ANO6: variants seen among roughly 807,000 people sequenced by gnomAD.
ANO6 encodes the protein anoctamin 6.
A neutral mutation model predicts 117.5 loss-of-function variants in ANO6; 106 were observed. The ratio of observed to expected loss-of-function variants is 0.90; its 90% CI spans 0.77 to 1.06. The LOEUF is 1.06. ANO6 is among the 50% of genes least tolerant of loss of function. ANO6 has a pLI of 0.00. For missense variants in ANO6, 955 were observed against 1,121.1 expected, an observed-to-expected ratio of 0.85 and a Z score of 2.12; for synonymous variants, 367 against 385.1, an observed-to-expected ratio of 0.95 and a Z score of 0.55.
chr12:45,375,602 G>A (rs937635035), intron 9 of ANO6, among the ~76,000 whole-genome samples: 11 of 152,092 alleles, frequency 7.2e-5, no homozygotes, highest in South Asian at 2.1e-4. Context: ...CAAGCAATGG[G>A]GAAAGGATTC....
chr12:45,255,552 A>G (rs1294760222), intron 1 of ANO6, among the ~76,000 whole-genome samples: 4 of 152,154 alleles, frequency 2.6e-5, no homozygotes, highest in Non-Finnish European at 4.4e-5. Context: ...TACTCCTTGG[A>G]TATTATTCCT....
intron 1 of ANO6, among the ~76,000 whole-genome samples, chr12:45,244,559 G>A (rs971986129): frequency 4.6e-5 from 7 of 152,122 alleles, no homozygotes; most frequent in Admixed American, 3.3e-4. Flanking sequence ...AGGGGTCCTT[G>A]ATCCAAAAGG....
chr12:45,379,242 T>C (rs945420488), intron 10 of ANO6, among the ~76,000 whole-genome samples: 2 of 152,234 alleles, frequency 1.3e-5, no homozygotes, highest in African/African-American at 4.8e-5. Flanking sequence ...CTCAGCAGTA[T>C]TTCTGTTTGG....
At chr12:45,400,163 A>G (rs1942744806) in intron 12 of ANO6, among the ~76,000 whole-genome samples, 1 of 152,210 alleles carries the variant, frequency 6.6e-6, no homozygotes, top group Admixed American at 6.5e-5. Flanking sequence ...AGTAAAAGAG[A>G]GATAATATTA....
At chr12:45,315,965 C>G (rs527361260) in intron 2 of ANO6, among the ~76,000 whole-genome samples, 17 of 152,040 alleles carry the variant, frequency 1.1e-4, no homozygotes, top group Non-Finnish European at 1.6e-4. Context: ...CACCTTTCTT[C>G]CCTGGACTCA....
At chr12:45,373,334 T>C (rs1374454289) in intron 9 of ANO6, among the ~76,000 whole-genome samples, 1 of 151,240 alleles carries the variant, frequency 6.6e-6, no homozygotes, top group African/African-American at 2.4e-5. Context: ...TACCCAGGAA[T>C]TGAACTCAGC....
intron 1 of ANO6, among the ~76,000 whole-genome samples, chr12:45,241,361 A>G (rs1947740940): frequency 1.3e-5 from 2 of 152,212 alleles, no homozygotes; most frequent in Non-Finnish European, 2.9e-5. Context: ...AAGCTTCTGC[A>G]TGCGTCACAA....
chr12:45,216,362 A>C lies in ANO6; in HGVS notation c.41A>C (p.Glu14Ala), dbSNP rs548440264. 1 of 1,613,044 alleles carries C rather than the reference A, an allele frequency of 6.2e-7. No individual in the cohort carries two copies. The highest frequency in any genetic ancestry group is 1.7e-5 in the Admixed American group (1 of 59,960). ...AGGAATGTTTTGCTACAAATGGAGG[A>C]GGAGGAGGACGACGACGATGGGGAT... ...MSRNVLLQME[E>A]EEDDDDGDIV... The change falls in exon 1 of 20, where the codon GAG (glutamate) becomes GCG (alanine). Residue 14 changes from glutamate to alanine, a missense_variant. By Grantham distance (107) the Glu-to-Ala change is moderately radical. Transcript: ENST00000320560.
Position 45,216,365 on chromosome 12 carries a change from A to T in ANO6, c.44A>T (p.Glu15Val). ...SRNVLLQMEE[E>V]EDDDDGDIVL... ...AATGTTTTGCTACAAATGGAGGAGG[A>T]GGAGGACGACGACGATGGGGATATC... is the stretch of plus-strand genomic sequence containing the variant. The change falls in exon 1 of 20, where the codon GAG becomes GTG. Residue 15 changes from glutamate (E) to valine (V), a missense_variant. Coordinates refer to ENST00000320560, the MANE Select transcript of ANO6 (RefSeq NM_001025356.3). The T allele has an allele frequency of 6.2e-7, 1 of 1,613,066 alleles. No homozygotes were observed. Among genetic ancestry groups the T allele is most frequent in the Non-Finnish European group, 8.5e-7 (1 of 1,179,484 alleles).
intron 1 of ANO6, among the ~76,000 whole-genome samples, chr12:45,251,085 C>A (rs930827317): frequency 6.6e-5 from 10 of 151,516 alleles, no homozygotes; most frequent in East Asian, 5.8e-4. Context: ...GGAAAAAAAA[C>A]CCACAAAAAA....
At chr12:45,331,630 C>T (rs1367391129) in intron 3 of ANO6, among the ~76,000 whole-genome samples, 1 of 152,060 alleles carries the variant, frequency 6.6e-6, no homozygotes, top group East Asian at 1.9e-4. Context: ...CTCTTAACCT[C>T]ATTTGGTTTC....
chr12:45,294,218 T>C (rs1939213598), intron 1 of ANO6, among the ~76,000 whole-genome samples: 1 of 152,210 alleles, frequency 6.6e-6, no homozygotes, highest in Admixed American at 6.5e-5. Flanking sequence ...ATTGAACTGA[T>C]GATAATACAT....
chr12:45,353,898 A>G (rs1941344933), intron 7 of ANO6, among the ~76,000 whole-genome samples: 1 of 143,318 alleles, frequency 7.0e-6, no homozygotes, highest in African/African-American at 3.0e-5. Context: ...AAACACCAAT[A>G]GAACGCATTA....
chr12:45,324,241 T>G (rs1209112031), intron 2 of ANO6, among the ~76,000 whole-genome samples: 1 of 152,210 alleles, frequency 6.6e-6, no homozygotes, highest in African/African-American at 2.4e-5. Context: ...CCTGCACCAC[T>G]GTTTTAAATG....
chr12:45,218,390 CT>C lies in ANO6; in HGVS notation c.70+2021del, dbSNP rs76855973. Reference sequence around the variant, plus strand: ...ATGTGATTTCTGTTTCTTTCTTTCTCTTTTTTTTTTTTTTTTTTTTTTGAGA... The same window carrying C: ...ATGTGATTTCTGTTTCTTTCTTTCTCTTTTTTTTTTTTTTTTTTTTTGAGA... On this transcript the variant is annotated intron_variant, in intron 1 of 19. Transcript: ENST00000320560. Among the ~76,000 whole-genome samples, 242 of 110,102 alleles carry C rather than the reference CT, an allele frequency of 2.2e-3. 2 individuals are homozygous for C. Among genetic ancestry groups the C allele is most frequent in the East Asian group, 0.015 (56 of 3,826 alleles). 72.2% of individuals were successfully genotyped at this position (110,102 alleles called of 152,430 possible). A position where few individuals can be genotyped will look rare whatever the true frequency, so the allele number is the denominator to read the frequency against.
chr12:45,402,982 A>T, intron 13 of ANO6, 90 bp from the exon 14 acceptor site: 1 of 1,206,770 alleles, frequency 8.3e-7, no homozygotes, highest in Non-Finnish European at 1.2e-6. Flanking sequence ...TAACGTGTTT[A>T]ACGTGTTAAC....
intron 7 of ANO6, among the ~76,000 whole-genome samples, chr12:45,356,695 G>C (rs1311269990): frequency 6.6e-6 from 1 of 152,090 alleles, no homozygotes; most frequent in Non-Finnish European, 1.5e-5. Context: ...GGTTATTCTT[G>C]CTGTCTCAGG....
chr12:45,331,681 T>C (rs1940671342), intron 3 of ANO6, among the ~76,000 whole-genome samples: 1 of 152,128 alleles, frequency 6.6e-6, no homozygotes, highest in Admixed American at 6.6e-5. Flanking sequence ...TTGGACTTTC[T>C]ATTGTACAGA....
In ANO6 at chr12:45,379,466, A is replaced by C. The variant is rs1053140436; in HGVS notation, c.1165+1353A>C. Among the ~76,000 whole-genome samples, 43 of 152,234 alleles carry C rather than the reference A, an allele frequency of 2.8e-4. 1 individual carries two copies. Among genetic ancestry groups the C allele is most frequent in the Admixed American group, 2.8e-3 (43 of 15,278 alleles). ...TAATATTTGACCCATAGAAGAATAA[A>C]GATTGAATGTATGTATTAAGATCCT... On this transcript the variant is annotated intron_variant, in intron 10 of 19. Coordinates refer to ENST00000320560, the MANE Select transcript of ANO6 (RefSeq NM_001025356.3).
Sources: allele counts gnomAD v4.1 joint callset (sites outside exome capture counted in the v4.1 genomes callset), GRCh38; gene constraint gnomAD v4.1.1; transcripts MANE v1.5; gene names NCBI Gene and HGNC (gene_info 2026-07-23, HGNC 2026-07-21).